The following MKLN1 variants were observed in gnomAD, a reference collection of about 807,000 sequenced individuals.
MKLN1 encodes muskelin 1.
Under a neutral mutation model 99.0 loss-of-function variants are expected in MKLN1, and 18 were observed. The observed-to-expected ratio is 0.18, with a 90% confidence interval of 0.13 to 0.27. The LOEUF is 0.27. Among genes scored for constraint, MKLN1 ranks in the 10% least tolerant of loss-of-function variants. The pLI, the probability that MKLN1 is intolerant of heterozygous loss-of-function variation, is 1.00. For synonymous variants in MKLN1, 288 were observed against 293.2 expected, an observed-to-expected ratio of 0.98 and a Z score of 0.18; for missense variants, 621 against 875.9, an observed-to-expected ratio of 0.71 and a Z score of 3.67.
intron 9 of MKLN1, among the ~76,000 whole-genome samples, chr7:131,429,591 A>G (rs1157043570): frequency 6.6e-6 from 1 of 151,976 alleles, no homozygotes; most frequent in African/African-American, 2.4e-5. Context: ...GATATATATT[A>G]TCTTTTTTTT....
chr7:131,340,503 T>C (rs191373801), intron 1 of MKLN1, among the ~76,000 whole-genome samples: 132 of 152,188 alleles, frequency 8.7e-4, no homozygotes, highest in Non-Finnish European at 1.0e-3. Flanking sequence ...GGTCTCAAAC[T>C]CCTGACCTCA....
chr7:131,242,740 C>T (rs911716866), intron 3 of MKLN1: 3 of 693,914 alleles, frequency 4.3e-6, no homozygotes, highest in Non-Finnish European at 8.2e-6. Flanking sequence ...GACCGCTGTC[C>T]CCACAAAGTG....
chr7:131,302,701 C>T (rs950958430), intron 3 of MKLN1, among the ~76,000 whole-genome samples: 2 of 152,240 alleles, frequency 1.3e-5, no homozygotes, highest in East Asian at 1.9e-4. Context: ...TGTGCTCAAC[C>T]GGGATTAACT....
At chr7:131,337,368 G>C (rs1412466884) in intron 1 of MKLN1, among the ~76,000 whole-genome samples, 1 of 151,920 alleles carries the variant, frequency 6.6e-6, no homozygotes, top group East Asian at 1.9e-4. Flanking sequence ...TCCCCCATAT[G>C]TCTCCTGCTC....
intron 2 of MKLN1, among the ~76,000 whole-genome samples, chr7:131,151,050 T>C (rs1435801274): frequency 6.6e-6 from 1 of 152,218 alleles, no homozygotes; most frequent in Non-Finnish European, 1.5e-5. Flanking sequence ...GTATCTTGTA[T>C]TAACTAGTAA....
intron 2 of MKLN1, among the ~76,000 whole-genome samples, chr7:131,201,595 T>TCC (rs1796729003): frequency 6.6e-6 from 1 of 152,194 alleles, no homozygotes; most frequent in Admixed American, 6.5e-5. Flanking sequence ...AGAATCATCA[T>TCC]CCGTCTTGTA....
chr7:131,440,160 A>G (rs1161059555), intron 10 of MKLN1, among the ~76,000 whole-genome samples: 1 of 152,188 alleles, frequency 6.6e-6, no homozygotes, highest in Admixed American at 6.5e-5. Context: ...AACATGTGTA[A>G]AGTACCCAGA....
At chr7:131,251,833 G>A (rs150583718) in intron 3 of MKLN1, among the ~76,000 whole-genome samples, 1 of 151,768 alleles carries the variant, frequency 6.6e-6, no homozygotes, top group Non-Finnish European at 1.5e-5. Context: ...CCATGCCCAA[G>A]AAATTCTTGT....
chr7:131,375,355 A>G, intron 1 of MKLN1, 69 bp from the exon 2 acceptor site: 9 of 929,466 alleles, frequency 9.7e-6, no homozygotes, highest in Non-Finnish European at 1.4e-5. Context: ...TAATTTCAGC[A>G]TCTGGTAGAT....
At chr7:131,417,501 G>A (rs989028874) in intron 8 of MKLN1, among the ~76,000 whole-genome samples, 3 of 152,170 alleles carry the variant, frequency 2.0e-5, no homozygotes, top group African/African-American at 4.8e-5. Context: ...ATGCTTTTCA[G>A]TATGTTACCA....
In MKLN1 at chr7:131,351,169, G is replaced by A. The variant is rs143088971; in HGVS notation, c.98+23172G>A. Among the ~76,000 whole-genome samples the A allele has an allele frequency of 2.8e-3, 419 of 152,020 alleles. 1 individual carries two copies. The highest frequency in any genetic ancestry group is 9.8e-3 in the African/African-American group (405 of 41,478). The stretch of plus-strand genomic sequence containing the variant: ...AGGCTGAGGCAAGAGGATTGCTTGA[G>A]TCCAGGAGGTCGAGGCTGCAGTGAG... On this transcript the variant is annotated intron_variant, in intron 1 of 17. Coordinates refer to ENST00000352689, the MANE Select transcript of MKLN1 (RefSeq NM_013255.5).
upstream of MKLN1, among the ~76,000 whole-genome samples, chr7:131,325,016 C>T (rs539101388): frequency 2.0e-5 from 3 of 152,270 alleles, no homozygotes; most frequent in South Asian, 6.2e-4. Context: ...CTCAGGGATA[C>T]ACGTTTGTAG....
At chr7:131,299,434 G>T (rs1424321433) in intron 3 of MKLN1, among the ~76,000 whole-genome samples, 1 of 152,134 alleles carries the variant, frequency 6.6e-6, no homozygotes, top group East Asian at 1.9e-4. Flanking sequence ...AGGATTTAAG[G>T]AGTGCTAACT....
At chr7:131,216,455 A>C (rs978071793) in intron 3 of MKLN1, among the ~76,000 whole-genome samples, 1 of 151,514 alleles carries the variant, frequency 6.6e-6, no homozygotes, top group African/African-American at 2.4e-5. Flanking sequence ...AAGAAAGTTT[A>C]TTATATTTGG....
rs201804007 is a variant in MKLN1, at chr7:131,140,802, CAG to C, written c.-418-2015_-418-2014del. 5.5e-3 allele frequency among the ~76,000 whole-genome samples: 830 copies of C among 150,786 alleles called. 7 individuals carry two copies. The highest frequency in any genetic ancestry group is 0.018 in the African/African-American group (747 of 41,078). ...TTTTTTTTTGTTTTGTTTTCTGAGACAGAGTCTCGCTTTGTCGCCCAGGCTGG... is the reference window on the plus strand; with the variant it reads ...TTTTTTTTTGTTTTGTTTTCTGAGACAGTCTCGCTTTGTCGCCCAGGCTGG... On this transcript the variant is annotated intron_variant, in intron 1 of 7. Coordinates refer to the MKLN1 transcript ENST00000416992.
intron 1 of MKLN1, among the ~76,000 whole-genome samples, chr7:131,337,737 A>G (rs2116714208): frequency 6.6e-6 from 1 of 150,674 alleles, no homozygotes; most frequent in South Asian, 2.1e-4. Flanking sequence ...AATAGTTAAT[A>G]TATTTGTATA....
chr7:131,175,558 AC>A (rs1796286234), intron 2 of MKLN1, among the ~76,000 whole-genome samples: 2 of 152,176 alleles, frequency 1.3e-5, no homozygotes, highest in South Asian at 4.1e-4. Flanking sequence ...CCAAATAACT[AC>A]CCTCCATTTC....
rs34282776 is a variant in MKLN1 at position 131,213,821 on chromosome 7, G to A, written c.-179+10847G>A. On this transcript the variant is annotated intron_variant, in intron 3 of 7. Transcript: ENST00000416992. Reference sequence around the variant, plus strand: ...AGTTGATTATTTTTCTTATTGCTTCGCATGAGTTCTTTATAATTTTTGAAT... The same window carrying A: ...AGTTGATTATTTTTCTTATTGCTTCACATGAGTTCTTTATAATTTTTGAAT... Among the ~76,000 whole-genome samples, 826 of 152,050 alleles carry A rather than the reference G, an allele frequency of 5.4e-3. 10 individuals carry two copies. Among genetic ancestry groups the A allele is most frequent in the African/African-American group, 0.019 (777 of 41,476 alleles).
intron 12 of MKLN1, among the ~76,000 whole-genome samples, chr7:131,453,037 A>G (rs1563356458): frequency 6.6e-6 from 1 of 152,226 alleles, no homozygotes; most frequent in Non-Finnish European, 1.5e-5. Context: ...ATGTGTCATT[A>G]TTCAAACAGA....
Sources: gnomAD v4.1 joint callset for allele counts (sites outside exome capture counted in the v4.1 genomes callset) on GRCh38, gnomAD v4.1.1 for gene constraint, MANE v1.5 for transcripts, NCBI Gene and HGNC (gene_info 2026-07-23, HGNC 2026-07-21) for gene names.